The following PRKAR1B variants were observed in gnomAD, a reference collection of about 807,000 sequenced individuals.
PRKAR1B encodes cAMP-dependent protein kinase type I-beta regulatory subunit.
In PRKAR1B, 22 loss-of-function variants were observed where a neutral mutation model predicts 46.5. The ratio of observed to expected loss-of-function variants is 0.47; its 90% CI spans 0.34 to 0.68. The LOEUF (loss-of-function observed/expected upper bound fraction) is 0.68. PRKAR1B is among the 30% of genes least tolerant of loss of function. The pLI is 0.01. For missense variants in PRKAR1B, 445 were observed against 535.6 expected, an observed-to-expected ratio of 0.83 and a Z score of 1.67; for synonymous variants, 259 against 217.7, an observed-to-expected ratio of 1.19 and a Z score of -1.67.
At chr7:681,323 TAAA>T (rs1159377371) in intron 2 of PRKAR1B, among the ~76,000 whole-genome samples, 4 of 114,296 alleles carry the variant, frequency 3.5e-5, no homozygotes, top group African/African-American at 9.7e-5. Context: ...CCTGTCTCTA[TAAA>T]AAAAAAAAAA....
At chr7:614,560 G>A (rs1215762018) in intron 4 of PRKAR1B, among the ~76,000 whole-genome samples, 1 of 152,150 alleles carries the variant, frequency 6.6e-6, no homozygotes, top group Non-Finnish European at 1.5e-5. Flanking sequence ...GGGCCCAGGA[G>A]TTTGAGACCA....
At chr7:685,353 C>CACACATACATACATATAT (rs1779018193) in intron 2 of PRKAR1B, among the ~76,000 whole-genome samples, 1 of 48,914 alleles carries the variant, frequency 2.0e-5, no homozygotes, top group African/African-American at 8.9e-5. Flanking sequence ...TATATGTATA[C>CACACATACATACATATAT]ATATATATAT....
At chr7:573,220 T>C (rs1456663395) in intron 9 of PRKAR1B, among the ~76,000 whole-genome samples, 2 of 152,220 alleles carry the variant, frequency 1.3e-5, no homozygotes, top group Non-Finnish European at 2.9e-5. Context: ...AAGGAGACCC[T>C]TTCAAATACA....
At chr7:633,805 C>G (rs992474772) in intron 4 of PRKAR1B, among the ~76,000 whole-genome samples, 1 of 152,102 alleles carries the variant, frequency 6.6e-6, no homozygotes, top group South Asian at 2.1e-4. Context: ...AGCTCCTGTT[C>G]ACGGCCTTCC....
chr7:583,331 C>CTGCATACACACACG (rs1278775980), intron 8 of PRKAR1B, among the ~76,000 whole-genome samples: 4 of 152,140 alleles, frequency 2.6e-5, no homozygotes, highest in Non-Finnish European at 5.9e-5. Flanking sequence ...CACAGCCACA[C>CTGCATACACACACG]TGCATACACA....
intron 9 of PRKAR1B, among the ~76,000 whole-genome samples, chr7:571,207 C>T (rs1191568844): frequency 1.3e-5 from 2 of 152,122 alleles, no homozygotes; most frequent in African/African-American, 2.4e-5. Flanking sequence ...CGGCACTGTC[C>T]AAGACCCCAG....
In PRKAR1B at chr7:725,168, C is replaced by T. The variant is rs563518270; in HGVS notation, c.-23+2042G>A. ...GGCAGAGTCTGCAGTGAGCGGAGAT[C>T]GCGCCACTGCACTCCAGGCTGGGCG... On this transcript the variant is annotated intron_variant, in intron 1 of 10. Coordinates refer to ENST00000537384, the MANE Select transcript of PRKAR1B (RefSeq NM_001164760.2). Among the ~76,000 whole-genome samples, 19 of 150,510 alleles carry T rather than the reference C, an allele frequency of 1.3e-4. No individual in the cohort carries two copies. The South Asian group carries it at 2.7e-3, about 22-fold the overall frequency.
At chr7:675,875 G>A (rs1399207378) in intron 4 of PRKAR1B, among the ~76,000 whole-genome samples, 2 of 152,152 alleles carry the variant, frequency 1.3e-5, no homozygotes, top group African/African-American at 4.8e-5. Flanking sequence ...GAACCCAGGT[G>A]GCGGAGGTTG....
At chr7:695,397 G>A (rs1295085794) in intron 2 of PRKAR1B, among the ~76,000 whole-genome samples, 1 of 152,186 alleles carries the variant, frequency 6.6e-6, no homozygotes, top group Admixed American at 6.5e-5. Context: ...GGGTCCTGGG[G>A]TCGGGGTGGA....
intron 2 of PRKAR1B, among the ~76,000 whole-genome samples, chr7:695,964 C>CTT (rs766921714): frequency 1.1e-3 from 111 of 102,086 alleles, no homozygotes; most frequent in Non-Finnish European, 1.3e-3. Flanking sequence ...GCGCCCAACC[C>CTT]TTTTTTTTTT....
At chr7:558,714 T>C (rs933129162) in intron 9 of PRKAR1B, among the ~76,000 whole-genome samples, 2 of 151,796 alleles carry the variant, frequency 1.3e-5, no homozygotes, top group Non-Finnish European at 2.9e-5. Context: ...ATTGCGCCAC[T>C]GCACTCCAGC....
chr7:605,368 C>A (rs1301887127), intron 6 of PRKAR1B, among the ~76,000 whole-genome samples: 2 of 152,222 alleles, frequency 1.3e-5, no homozygotes, highest in African/African-American at 4.8e-5. Context: ...GCCTGCAGAA[C>A]AGGAGCCCAG....
At chr7:613,440 G>A (rs913126587) in intron 4 of PRKAR1B, among the ~76,000 whole-genome samples, 2 of 152,158 alleles carry the variant, frequency 1.3e-5, no homozygotes, top group African/African-American at 4.8e-5. Flanking sequence ...ACACAAAAAT[G>A]TGCTTTTCTG....
chr7:724,648 C>T (rs767728637), intron 1 of PRKAR1B, among the ~76,000 whole-genome samples: 11 of 152,206 alleles, frequency 7.2e-5, no homozygotes, highest in Non-Finnish European at 1.2e-4. Context: ...CCTCTGCTAC[C>T]ATTTGTTCAG....
At chr7:671,320 C>G (rs990152036) in intron 4 of PRKAR1B, among the ~76,000 whole-genome samples, 6 of 152,214 alleles carry the variant, frequency 3.9e-5, no homozygotes, top group Non-Finnish European at 8.8e-5. Flanking sequence ...CTCCCCACGC[C>G]CAAACATTTG....
At chr7:581,586 T>C (rs1432368544) in intron 8 of PRKAR1B, among the ~76,000 whole-genome samples, 2 of 152,248 alleles carry the variant, frequency 1.3e-5, no homozygotes, top group Admixed American at 6.5e-5. Flanking sequence ...CATATTTGAT[T>C]AGCAAATGCT....
At position 551,466 on chromosome 7, in the gene PRKAR1B, G is replaced by A. The variant is rs1468433405; in HGVS notation, c.896C>T (p.Thr299Ile). 7 of 1,553,814 alleles carry A rather than the reference G, an allele frequency of 4.5e-6. No homozygotes were observed. Among genetic ancestry groups the A allele is most frequent in the Non-Finnish European group, 6.1e-6 (7 of 1,148,416 alleles). ...GGACCGGCGCTGCAGCACGGACGCG[G>A]TGCCCTGTGGGTGGAGGTGGACAGA... is the stretch of plus-strand genomic sequence containing the variant. Reference protein sequence around the residue: ...GDDFYIITEGTASVLQRRSPN... With the variant: ...GDDFYIITEGIASVLQRRSPN... The change falls in exon 10 of 11, where the codon ACC becomes ATC. Residue 299 changes from threonine to isoleucine, a missense_variant. By Grantham distance (89) the Thr-to-Ile change is moderately conservative (BLOSUM62 -1). This residue lies in a region of PRKAR1B where 127 missense variants were observed against 138.0 expected (regional missense o/e 0.92). Coordinates refer to ENST00000537384, the MANE Select transcript of PRKAR1B (RefSeq NM_001164760.2).
intron 7 of PRKAR1B, among the ~76,000 whole-genome samples, chr7:590,772 C>T (rs974683509): frequency 6.6e-6 from 1 of 152,192 alleles, no homozygotes; most frequent in African/African-American, 2.4e-5. Context: ...ACCTCAGGAA[C>T]TTGGCCCAAG....
intron 4 of PRKAR1B, among the ~76,000 whole-genome samples, chr7:611,840 T>C (rs1782513670): frequency 7.0e-6 from 1 of 143,542 alleles, no homozygotes; most frequent in African/African-American, 2.7e-5. Context: ...GATGGATGGA[T>C]GGACAAATGG....
Sources: gnomAD v4.1 joint callset for allele counts (sites outside exome capture counted in the v4.1 genomes callset) on GRCh38, gnomAD v4.1.1 for gene constraint, gnomAD v4.1.1 regional missense constraint, MANE v1.5 for transcripts, NCBI Gene and HGNC (gene_info 2026-07-23, HGNC 2026-07-21) for gene names.